Variants in KIRREL3 observed in about 807,000 individuals in gnomAD.
KIRREL3 encodes the protein kirre like nephrin family adhesion molecule 3.
Under a neutral mutation model 89.7 loss-of-function variants are expected in KIRREL3, and 36 were observed. That is an observed-to-expected ratio of 0.40 (90% CI 0.31 to 0.53). KIRREL3 has a LOEUF of 0.53. KIRREL3 is among the 20% of genes least tolerant of loss of function. KIRREL3 has a pLI of 0.49. For missense variants in KIRREL3, 864 were observed against 1,056.6 expected (o/e 0.82, Z 2.53); for synonymous variants, 445 against 441.4 (o/e 1.01, Z -0.10).
At chr11:126,438,221 T>C (rs1306826484) in intron 11 of KIRREL3, among the ~76,000 whole-genome samples, 1 of 152,258 alleles carries the variant, frequency 6.6e-6, no homozygotes, top group Non-Finnish European at 1.5e-5. Flanking sequence ...ATGTTGTATG[T>C]CTGTGTGAGA....
chr11:126,457,292 T>G (rs1030922810), intron 6 of KIRREL3, among the ~76,000 whole-genome samples: 1 of 151,662 alleles, frequency 6.6e-6, no homozygotes, highest in African/African-American at 2.4e-5. Context: ...TGTGTATGTG[T>G]GTATGCGTGT....
chr11:126,956,219 C>A (rs984825720), intron 1 of KIRREL3, among the ~76,000 whole-genome samples: 1 of 152,188 alleles, frequency 6.6e-6, no homozygotes, highest in East Asian at 1.9e-4. Context: ...GGCATCGAGC[C>A]GTGCATGGGA....
intron 10 of KIRREL3, among the ~76,000 whole-genome samples, chr11:126,442,975 G>A (rs1955641732): frequency 6.6e-6 from 1 of 152,162 alleles, no homozygotes. Flanking sequence ...CAGCGCCAGG[G>A]CCCGGGTTTC....
At chr11:126,464,754 C>G (rs137911810) in intron 5 of KIRREL3, among the ~76,000 whole-genome samples, 7 of 152,220 alleles carry the variant, frequency 4.6e-5, no homozygotes, top group Admixed American at 2.6e-4. Context: ...TCCCCTGGAG[C>G]CTTTGGAGGG....
intron 1 of KIRREL3, among the ~76,000 whole-genome samples, chr11:126,644,418 T>C (rs1332581798): frequency 2.0e-5 from 3 of 152,118 alleles, no homozygotes; most frequent in South Asian, 2.1e-4. Flanking sequence ...ACTTTGACAA[T>C]TGGAGCTGAA....
Position 126,900,418 on chromosome 11 carries a change from T to C in KIRREL3, c.55+100037A>G, listed in dbSNP as rs1946328641. 6.6e-6 allele frequency among the ~76,000 whole-genome samples: 1 copy of C among 152,200 alleles called. No individual in the cohort carries two copies. The highest frequency in any genetic ancestry group is 2.4e-5 in the African/African-American group (1 of 41,454). On this transcript the variant is annotated intron_variant, in intron 1 of 16. Transcript: ENST00000525144. The surrounding 1 kb of genome is among the most constrained non-coding windows in gnomAD (Gnocchi z 4.4). The stretch of plus-strand genomic sequence containing the variant: ...AAACACAAAAAAGAAAGCCTGCATG[T>C]TTATTGATAACAACCTGATAGGAAT...
rs4072707 is a variant in KIRREL3, at chr11:126,821,349, A to G, written c.55+179106T>C. On this transcript the variant is annotated intron_variant, in intron 1 of 16. Transcript: ENST00000525144. The stretch of plus-strand genomic sequence containing the variant: ...ACACAGTATATATATATATATATAT[A>G]TATGTAACTTCCAACCAACATCCCT... 4.9e-3 allele frequency among the ~76,000 whole-genome samples: 451 copies of G among 91,822 alleles called. 53 individuals carry two copies. The highest frequency in any genetic ancestry group is 0.012 in the East Asian group (26 of 2,192). 60.2% of individuals were successfully genotyped at this position (91,822 alleles called of 152,430 possible).
chr11:126,431,420 T>C lies in KIRREL3; in HGVS notation c.1695A>G (p.Arg565=), dbSNP rs373312951. The part of the protein sequence containing the change: ...IVAFCCARSQ[R]NLKGVVSAKN... ...AGATCCCGGATCTCCCTCCCGTACT[T>C]CTCTGGGAACGGGCACAGCAGAACG... Residue 565 remains arginine (R), a splice_region_variant and synonymous_variant, in exon 14 of 17, where the codon AGA becomes AGG. Coordinates refer to ENST00000525144, the MANE Select transcript of KIRREL3 (RefSeq NM_032531.4). This position sits in a 1 kb window ranked among gnomAD's most constrained non-coding sequence, Gnocchi z 7.1. The C allele has an allele frequency of 6.2e-7, 1 of 1,613,766 alleles. No homozygotes were observed. Among genetic ancestry groups the C allele is most frequent in the African/African-American group, 1.3e-5 (1 of 74,870 alleles).
At chr11:126,857,456 C>T (rs1267193116) in intron 1 of KIRREL3, among the ~76,000 whole-genome samples, 1 of 152,166 alleles carries the variant, frequency 6.6e-6, no homozygotes, top group Non-Finnish European at 1.5e-5. Context: ...CTAGAGCTTC[C>T]CAGCAGGATC....
chr11:126,464,412 T>C (rs1397354525), intron 5 of KIRREL3, among the ~76,000 whole-genome samples: 1 of 150,864 alleles, frequency 6.6e-6, no homozygotes, highest in Non-Finnish European at 1.5e-5. Context: ...GTGCCTGTAG[T>C]CCCAGCTACT....
At position 126,537,294 on chromosome 11, in the gene KIRREL3, T is replaced by C. The variant is rs1937975421; in HGVS notation, c.134-10607A>G. Among the ~76,000 whole-genome samples the C allele has an allele frequency of 6.6e-6, 1 of 152,166 alleles. No homozygotes were observed. The highest frequency in any genetic ancestry group is 1.5e-5 in the Non-Finnish European group (1 of 68,032). ...TCTCAGGACATTCTGTGAAACTCGC[T>C]GAGAGTCTTGGATGGTCACATTTGA... is the stretch of plus-strand genomic sequence containing the variant. On this transcript the variant is annotated intron_variant, in intron 2 of 16. Coordinates refer to ENST00000525144, the MANE Select transcript of KIRREL3 (RefSeq NM_032531.4). The surrounding 1 kb of genome is among the most constrained non-coding windows in gnomAD (Gnocchi z 4.3).
At position 126,739,106 on chromosome 11, in the gene KIRREL3, C is replaced by A; in HGVS notation, c.56-176194G>T. ...ACCAAGTAACTTGCTCAAGGCCACA[C>A]AGCTAGAAATTAGCAGGATGGAAAC... On this transcript the variant is annotated intron_variant, in intron 1 of 16. Transcript: ENST00000525144. The surrounding 1 kb of genome is among the most constrained non-coding windows in gnomAD (Gnocchi z 5.5). Among the ~76,000 whole-genome samples, 1 of 152,230 alleles carries A rather than the reference C, an allele frequency of 6.6e-6. No individual in the cohort carries two copies. The highest frequency in any genetic ancestry group is 2.1e-4 in the South Asian group (1 of 4,832).
At chr11:126,798,835 G>T (rs1950893970) in intron 1 of KIRREL3, among the ~76,000 whole-genome samples, 1 of 152,236 alleles carries the variant, frequency 6.6e-6, no homozygotes, top group Admixed American at 6.5e-5. Context: ...TGGGTTTGGG[G>T]TCTAAAGCTG....
At chr11:126,956,604 G>C (rs1160730986) in intron 1 of KIRREL3, among the ~76,000 whole-genome samples, 3 of 152,182 alleles carry the variant, frequency 2.0e-5, no homozygotes, top group African/African-American at 7.2e-5. Context: ...ATTTTTGTTA[G>C]GGGTGGTAGT....
rs1950392615 is a variant in KIRREL3, at chr11:126,783,565, A to G, written c.55+216890T>C. On this transcript the variant is annotated intron_variant, in intron 1 of 16. Transcript: ENST00000525144. This position sits in a 1 kb window ranked among gnomAD's most constrained non-coding sequence, Gnocchi z 4.3. ...ACAGAAGCCAACTGAAAGAGCTCCC[A>G]TTGACCAAAGATGGCATGCTTTAGC... Among the ~76,000 whole-genome samples, 1 of 152,236 alleles carries G rather than the reference A, an allele frequency of 6.6e-6. No homozygotes were observed. The highest frequency in any genetic ancestry group is 2.1e-4 in the South Asian group (1 of 4,830).
chr11:126,451,135 GTGTGTGCATGTGTAAA>G (rs1956109292), intron 7 of KIRREL3, among the ~76,000 whole-genome samples: 1 of 151,326 alleles, frequency 6.6e-6, no homozygotes, highest in South Asian at 2.1e-4. Flanking sequence ...GCATGTGCAT[GTGTGTGCATGTGTAAA>G]TGTGGGCACG....
At chr11:126,827,221 A>G (rs1350786713) in intron 1 of KIRREL3, among the ~76,000 whole-genome samples, 3 of 151,134 alleles carry the variant, frequency 2.0e-5, no homozygotes, top group Non-Finnish European at 4.4e-5. Flanking sequence ...TCTGTTGCCC[A>G]GGCTGGAGTG....
chr11:126,502,829 T>C (rs1957902552), intron 4 of KIRREL3, among the ~76,000 whole-genome samples: 1 of 152,230 alleles, frequency 6.6e-6, no homozygotes, highest in Admixed American at 6.5e-5. Flanking sequence ...GGCTGTTGCA[T>C]TACAGTAATA....
chr11:126,503,672 G>A (rs754793856), intron 4 of KIRREL3, among the ~76,000 whole-genome samples: 8 of 152,104 alleles, frequency 5.3e-5, no homozygotes, highest in Non-Finnish European at 8.8e-5. Flanking sequence ...GATGTGGGAG[G>A]TAATTAGGGT....
Sources: allele counts gnomAD v4.1 joint callset (sites outside exome capture counted in the v4.1 genomes callset), GRCh38; gene constraint gnomAD v4.1.1; non-coding constraint Gnocchi (gnomAD v3.1); transcripts MANE v1.5; gene names NCBI Gene and HGNC (gene_info 2026-07-23, HGNC 2026-07-21).